Variants in ERC2 observed in about 807,000 individuals in gnomAD.
ERC2 encodes ERC protein 2.
A neutral mutation model predicts 114.8 loss-of-function variants in ERC2; 42 were observed. The ratio of observed to expected loss-of-function variants is 0.37; its 90% CI spans 0.29 to 0.47. The LOEUF (loss-of-function observed/expected upper bound fraction) is 0.47. Among genes scored for constraint, ERC2 ranks in the 20% least tolerant of loss-of-function variants. ERC2 has a pLI of 0.99. For missense variants in ERC2, 939 were observed against 1,150.7 expected (o/e 0.82, Z 2.66); for synonymous variants, 454 against 425.5 (o/e 1.07, Z -0.82).
intron 14 of ERC2, among the ~76,000 whole-genome samples, chr3:55,798,206 A>T (rs1418171727): frequency 6.6e-6 from 1 of 152,246 alleles, no homozygotes; most frequent in East Asian, 1.9e-4. Flanking sequence ...GAAAGATATA[A>T]ATTTATACAT....
intron 2 of ERC2, among the ~76,000 whole-genome samples, chr3:56,401,468 C>A (rs1244537370): frequency 1.3e-5 from 2 of 152,200 alleles, no homozygotes; most frequent in Non-Finnish European, 2.9e-5. Context: ...CATCAACATC[C>A]TTCCATACAT....
At chr3:56,118,466 A>G (rs983465147) in intron 6 of ERC2, among the ~76,000 whole-genome samples, 4 of 152,310 alleles carry the variant, frequency 2.6e-5, no homozygotes, top group East Asian at 1.9e-4. Context: ...CTAGAAGGAA[A>G]CAGCAAGAAA....
chr3:56,191,875 C>G (rs7613726), intron 3 of ERC2, among the ~76,000 whole-genome samples: 12,243 of 152,156 alleles, frequency 0.08, 658 homozygotes, highest in Admixed American at 0.15. Flanking sequence ...CACACACACA[C>G]CTGTGCACAA....
intron 14 of ERC2, among the ~76,000 whole-genome samples, chr3:55,873,431 T>C (rs551617489): frequency 9.8e-5 from 15 of 152,316 alleles, no homozygotes; most frequent in African/African-American, 3.4e-4. Flanking sequence ...ACAGTACTTA[T>C]CTTGGAAGGT....
At chr3:56,070,619 T>G (rs1284096283) in intron 7 of ERC2, among the ~76,000 whole-genome samples, 4 of 152,214 alleles carry the variant, frequency 2.6e-5, no homozygotes, top group Admixed American at 2.6e-4. Flanking sequence ...GATCTGGCCC[T>G]GAACTGCATT....
chr3:55,647,494 C>G (rs541409293), intron 17 of ERC2, among the ~76,000 whole-genome samples: 2 of 152,210 alleles, frequency 1.3e-5, no homozygotes, highest in South Asian at 2.1e-4. Flanking sequence ...AGACTTACAA[C>G]TGTAATGTAA....
intron 15 of ERC2, among the ~76,000 whole-genome samples, chr3:55,715,742 T>A (rs2064083497): frequency 6.6e-6 from 1 of 152,072 alleles, no homozygotes; most frequent in South Asian, 2.1e-4. Context: ...GAAAAATAGG[T>A]CTTTAGTTCT....
chr3:56,367,682 T>C (rs1001932041), intron 2 of ERC2, among the ~76,000 whole-genome samples: 1 of 152,152 alleles, frequency 6.6e-6, no homozygotes, highest in Non-Finnish European at 1.5e-5. Flanking sequence ...GAAGAATCTA[T>C]AATTCTTTTG....
intron 2 of ERC2, among the ~76,000 whole-genome samples, chr3:56,392,586 A>C (rs2060167717): frequency 6.6e-6 from 1 of 152,162 alleles, no homozygotes; most frequent in Non-Finnish European, 1.5e-5. Flanking sequence ...ATTATACTAG[A>C]ATGTGCCCCA....
intron 3 of ERC2, among the ~76,000 whole-genome samples, chr3:56,215,615 A>C (rs2049409656): frequency 6.6e-6 from 1 of 152,184 alleles, no homozygotes; most frequent in Non-Finnish European, 1.5e-5. Context: ...ATATCCAGGA[A>C]TTGAACTCAG....
At chr3:56,017,085 A>G (rs530146832) in intron 8 of ERC2, among the ~76,000 whole-genome samples, 76 of 152,300 alleles carry the variant, frequency 5.0e-4, no homozygotes, top group Non-Finnish European at 9.4e-4. Context: ...CTTGGTTTCA[A>G]GCTAAATTTG....
At chr3:56,130,372 C>T (rs1034013212) in intron 6 of ERC2, among the ~76,000 whole-genome samples, 8 of 152,264 alleles carry the variant, frequency 5.3e-5, no homozygotes, top group South Asian at 2.1e-4. Flanking sequence ...GTTCAGTTAC[C>T]GGGCAGACAA....
intron 17 of ERC2, among the ~76,000 whole-genome samples, chr3:55,616,719 G>T (rs908512109): frequency 6.6e-6 from 1 of 151,474 alleles, no homozygotes; most frequent in African/African-American, 2.4e-5. Flanking sequence ...GTAGGGACTA[G>T]CTTTGTCCCT....
intron 4 of ERC2, among the ~76,000 whole-genome samples, chr3:56,169,172 T>A (rs1283775165): frequency 6.6e-6 from 1 of 151,968 alleles, no homozygotes; most frequent in African/African-American, 2.4e-5. Context: ...ACTAAAACCC[T>A]TACTAAAAAC....
chr3:56,053,500 G>A (rs1363550520), intron 7 of ERC2, among the ~76,000 whole-genome samples: 1 of 152,134 alleles, frequency 6.6e-6, no homozygotes, highest in Non-Finnish European at 1.5e-5. Context: ...CTCAACAACT[G>A]ACATATAAAA....
chr3:56,408,690 T>C (rs1000587725), intron 2 of ERC2, among the ~76,000 whole-genome samples: 1 of 152,152 alleles, frequency 6.6e-6, no homozygotes, highest in Non-Finnish European at 1.5e-5. Context: ...AGCAAAGACA[T>C]TGCAATAAGT....
chr3:56,019,132 G>T, intron 7 of ERC2, 101 bp from the exon 8 acceptor site: 1 of 880,066 alleles, frequency 1.1e-6, no homozygotes, highest in Non-Finnish European at 1.7e-6. Flanking sequence ...AAAAAGACCT[G>T]AAATGATAGA....
intron 13 of ERC2, among the ~76,000 whole-genome samples, chr3:55,944,985 G>C (rs1166194153): frequency 1.3e-5 from 2 of 152,166 alleles, no homozygotes; most frequent in Non-Finnish European, 2.9e-5. Context: ...TTTCAACAAT[G>C]TGATAGGATT....
chr3:56,270,454 T>C (rs1057408849), intron 3 of ERC2, among the ~76,000 whole-genome samples: 3 of 152,164 alleles, frequency 2.0e-5, no homozygotes, highest in African/African-American at 7.2e-5. Context: ...ATAGCCCATA[T>C]TTAGGGTGGG....
Sources: gnomAD v4.1 joint callset for allele counts (sites outside exome capture counted in the v4.1 genomes callset) on GRCh38, gnomAD v4.1.1 for gene constraint, MANE v1.5 for transcripts, NCBI Gene and HGNC (gene_info 2026-07-23, HGNC 2026-07-21) for gene names.